The following LHFPL6 variants were observed in gnomAD, a reference collection of about 807,000 sequenced individuals.
LHFPL6 encodes LHFPL tetraspan subfamily member 6 protein.
LHFPL6 carries 9 observed loss-of-function variants against 20.6 expected under a neutral mutation model. That is an observed-to-expected ratio of 0.44 (90% CI 0.26 to 0.76). LHFPL6 has a LOEUF of 0.76. Ranked by LOEUF, LHFPL6 falls within the 30% of genes least tolerant of loss-of-function variation. The pLI is 0.20. For synonymous variants in LHFPL6, 105 were observed against 98.7 expected, an observed-to-expected ratio of 1.06 and a Z score of -0.38; for missense variants, 218 against 253.5, an observed-to-expected ratio of 0.86 and a Z score of 0.95.
At chr13:39,400,511 C>T (rs1166593416) in intron 2 of LHFPL6, among the ~76,000 whole-genome samples, 6 of 152,116 alleles carry the variant, frequency 3.9e-5, no homozygotes, top group Non-Finnish European at 7.4e-5. Context: ...AGGCCGGGCG[C>T]GGTGGCTCAC....
At chr13:39,572,722 A>G (rs535298530) in intron 2 of LHFPL6, among the ~76,000 whole-genome samples, 1 of 152,076 alleles carries the variant, frequency 6.6e-6, no homozygotes, top group Admixed American at 6.6e-5. Context: ...CCACTTTAAG[A>G]CTCAGCTGTT....
At chr13:39,582,689 T>C (rs2324345) in intron 2 of LHFPL6, among the ~76,000 whole-genome samples, 115,206 of 152,080 alleles carry the variant, frequency 0.76, 44,589 homozygotes, top group Middle Eastern at 0.85. Context: ...AGACAGACGA[T>C]GACCTTGTTC....
At chr13:39,561,807 G>A (rs1454517521) in intron 2 of LHFPL6, among the ~76,000 whole-genome samples, 1 of 152,176 alleles carries the variant, frequency 6.6e-6, no homozygotes. Context: ...GCCTAACACT[G>A]AGTGACTACT....
chr13:39,436,330 T>C (rs1871955659), intron 2 of LHFPL6, among the ~76,000 whole-genome samples: 1 of 152,222 alleles, frequency 6.6e-6, no homozygotes, highest in African/African-American at 2.4e-5. Context: ...ATGAGTAATA[T>C]AATTTTTATT....
chr13:39,432,842 T>C (rs186192171), intron 2 of LHFPL6, among the ~76,000 whole-genome samples: 353 of 152,304 alleles, frequency 2.3e-3, no homozygotes, highest in African/African-American at 7.3e-3. Context: ...TACATGGTCA[T>C]TGAATCAATT....
At chr13:39,471,559 T>A (rs1474811981) in intron 2 of LHFPL6, among the ~76,000 whole-genome samples, 1 of 152,206 alleles carries the variant, frequency 6.6e-6, no homozygotes, top group Non-Finnish European at 1.5e-5. Flanking sequence ...CCTCAAGGAA[T>A]CTCTGCATAC....
intron 2 of LHFPL6, among the ~76,000 whole-genome samples, chr13:39,503,115 G>C (rs1869351940): frequency 6.6e-6 from 1 of 152,074 alleles, no homozygotes; most frequent in Non-Finnish European, 1.5e-5. Context: ...CCAGAACTCT[G>C]GGTGGTTCCA....
At chr13:39,441,241 C>T (rs973288354) in intron 2 of LHFPL6, among the ~76,000 whole-genome samples, 5 of 149,132 alleles carry the variant, frequency 3.4e-5, no homozygotes, top group Admixed American at 1.4e-4. Context: ...CTGCCTCTCC[C>T]TCCCAAAGTG....
intron 2 of LHFPL6, among the ~76,000 whole-genome samples, chr13:39,552,820 A>AATT (rs1871178966): frequency 6.6e-6 from 1 of 152,204 alleles, no homozygotes; most frequent in Non-Finnish European, 1.5e-5. Context: ...CAGTTTTTTT[A>AATT]ATTTAATGGG....
chr13:39,454,177 A>G (rs1023080915), intron 2 of LHFPL6, among the ~76,000 whole-genome samples: 1 of 152,252 alleles, frequency 6.6e-6, no homozygotes, highest in South Asian at 2.1e-4. Context: ...AATTTGTCTC[A>G]TTATAAAGTA....
At position 39,600,862 on chromosome 13, in the gene LHFPL6, TTC is replaced by T; in HGVS notation, c.353_354del (p.Gly118GlufsTer28). On this transcript the variant is annotated frameshift_variant, in exon 2 of 4. Transcript: ENST00000379589. LOFTEE classifies it high-confidence loss of function. ...CVSDLISRTV[G>X]RVAGGIQFLG... Reference sequence around the variant, plus strand: ...AGAAACTGAATTCCTCCAGCCACTCTTCCCACTGTCCTGGAGATGAGGTCGGA... The same window carrying T: ...AGAAACTGAATTCCTCCAGCCACTCTCCACTGTCCTGGAGATGAGGTCGGA... The T allele has an allele frequency of 6.7e-7, 1 of 1,500,810 alleles. No homozygotes were observed. The highest frequency in any genetic ancestry group is 8.9e-7 in the Non-Finnish European group (1 of 1,121,496). The allele number at this position is 1,500,810 out of a possible 1,614,324, so 93.0% of individuals were successfully genotyped here.
In LHFPL6 at chr13:39,473,763, A is replaced by C. The variant is rs868171160; in HGVS notation, c.386-95237T>G. ...GTCTCACAGAGACAAATTTATAATT[A>C]GATGTGTCACTTGAAGTGCTGGCAA... On this transcript the variant is annotated intron_variant, in intron 2 of 3. Transcript: ENST00000379589. Among the ~76,000 whole-genome samples the C allele has an allele frequency of 2.0e-5, 3 of 152,364 alleles. No individual in the cohort carries two copies. The Middle Eastern group carries it at 0.01, about 518-fold the overall frequency.
intron 2 of LHFPL6, among the ~76,000 whole-genome samples, chr13:39,527,659 T>G (rs1167702741): frequency 1.3e-5 from 2 of 152,210 alleles, no homozygotes; most frequent in Non-Finnish European, 2.9e-5. Flanking sequence ...GTTACTTAGC[T>G]TTTATAGTAC....
intron 2 of LHFPL6, among the ~76,000 whole-genome samples, chr13:39,441,746 C>G (rs563486662): frequency 1.3e-5 from 2 of 150,712 alleles, no homozygotes; most frequent in Non-Finnish European, 3.0e-5. Context: ...CTCCTGGGCT[C>G]AAGCAATCTG....
chr13:39,469,396 T>A (rs2138435397), intron 2 of LHFPL6, among the ~76,000 whole-genome samples: 1 of 152,312 alleles, frequency 6.6e-6, no homozygotes, highest in Non-Finnish European at 1.5e-5. Flanking sequence ...ATAGCCCTGG[T>A]TCCTTTCCTC....
intron 2 of LHFPL6, among the ~76,000 whole-genome samples, chr13:39,479,117 C>CTAT (rs1217626022): frequency 5.6e-4 from 74 of 133,306 alleles, no homozygotes; most frequent in African/African-American, 1.6e-3. Context: ...ATCTATCCAT[C>CTAT]CATCTATCTA....
At chr13:39,508,872 C>T (rs1477471719) in intron 2 of LHFPL6, among the ~76,000 whole-genome samples, 2 of 152,140 alleles carry the variant, frequency 1.3e-5, no homozygotes, top group Non-Finnish European at 2.9e-5. Context: ...AATGGACTGG[C>T]TCGGGTAATA....
chr13:39,587,727 GC>G (rs921144549), intron 2 of LHFPL6, among the ~76,000 whole-genome samples: 7 of 152,084 alleles, frequency 4.6e-5, no homozygotes, highest in African/African-American at 1.7e-4. Flanking sequence ...AGCTAAAGAG[GC>G]AACCCAGAAA....
chr13:39,343,838 A>G lies in LHFPL6; in HGVS notation c.*98T>C. On this transcript the variant is annotated 3_prime_UTR_variant, in exon 4 of 4. Transcript: ENST00000379589. ...CATTTTATTAGCATTGTATTGGATT[A>G]GAACTACTATCCCACCTTTTGAAGG... is the stretch of plus-strand genomic sequence containing the variant. 2 of 783,246 alleles carry G rather than the reference A, an allele frequency of 2.6e-6. No individual in the cohort carries two copies. 48.5% of individuals were successfully genotyped at this position (783,246 alleles called of 1,614,324 possible).
Sources: allele counts gnomAD v4.1 joint callset (sites outside exome capture counted in the v4.1 genomes callset), GRCh38; gene constraint gnomAD v4.1.1; transcripts MANE v1.5; gene names NCBI Gene and HGNC (gene_info 2026-07-23, HGNC 2026-07-21).